Variants in FER1L6 observed in about 807,000 individuals in gnomAD.
FER1L6 encodes the protein fer-1 like family member 6.
A neutral mutation model predicts 219.2 loss-of-function variants in FER1L6; 177 were observed. The observed-to-expected ratio is 0.81, with a 90% CI of 0.71 to 0.91. The LOEUF (loss-of-function observed/expected upper bound fraction) is 0.91, where lower values mean the gene tolerates loss of function less well. Among genes scored for constraint, FER1L6 ranks in the 40% least tolerant of loss-of-function variants. FER1L6 has a pLI of 0.00. For synonymous variants in FER1L6, 768 were observed against 824.3 expected (o/e 0.93, Z 1.17); for missense variants, 2,153 against 2,259.9 (o/e 0.95, Z 0.96).
chr8:124,010,203 A>G (rs1318408131), intron 13 of FER1L6, among the ~76,000 whole-genome samples: 7 of 138,864 alleles, frequency 5.0e-5, no homozygotes, highest in Admixed American at 1.4e-4. Context: ...CGAGTCAGGG[A>G]GGAGGAGAGG....
intron 5 of FER1L6, among the ~76,000 whole-genome samples, chr8:123,967,698 C>T (rs1372157681): frequency 2.0e-5 from 3 of 152,220 alleles, no homozygotes; most frequent in African/African-American, 4.8e-5. Context: ...TGGCTCACAC[C>T]TGTAATCCCA....
intron 39 of FER1L6, among the ~76,000 whole-genome samples, chr8:124,106,802 A>G (rs1822794997): frequency 6.6e-6 from 1 of 152,086 alleles, no homozygotes; most frequent in African/African-American, 2.4e-5. Context: ...GAGTCCAAAA[A>G]GTATGTTTTT....
At position 123,853,314 on chromosome 8, in the gene FER1L6, C is replaced by A. The variant is rs1317419133; in HGVS notation, c.-8+1129C>A. Among the ~76,000 whole-genome samples the A allele has an allele frequency of 6.6e-6, 1 of 152,030 alleles. No individual in the cohort carries two copies. The highest frequency in any genetic ancestry group is 1.5e-5 in the Non-Finnish European group (1 of 68,012). ...GGATTACAGGTGCTTGCCATCACAC[C>A]CGGCTAATTTCTGTATTTTTAGAGA... On this transcript the variant is annotated intron_variant, in intron 1 of 40. Transcript: ENST00000522917. This position sits in a 1 kb window ranked among gnomAD's most constrained non-coding sequence, Gnocchi z 6.6.
At chr8:123,994,183 G>T (rs1486802887) in intron 12 of FER1L6, among the ~76,000 whole-genome samples, 1 of 152,204 alleles carries the variant, frequency 6.6e-6, no homozygotes, top group Non-Finnish European at 1.5e-5. Flanking sequence ...CTGCCCAGAG[G>T]AGGTACTCTG....
chr8:124,031,592 AT>A (rs1300201338), intron 18 of FER1L6, among the ~76,000 whole-genome samples: 4 of 152,164 alleles, frequency 2.6e-5, no homozygotes, highest in Non-Finnish European at 4.4e-5. Context: ...TTAGAGTCAT[AT>A]TTTTAGGTTT....
chr8:124,101,435 C>A, intron 38 of FER1L6, 97 bp downstream of exon 38: 1 of 1,157,120 alleles, frequency 8.6e-7, no homozygotes, highest in Non-Finnish European at 1.2e-6. Flanking sequence ...CTAATAATTT[C>A]AGCACTATCT....
chr8:123,859,626 G>A (rs1374420986), intron 1 of FER1L6, among the ~76,000 whole-genome samples: 4 of 138,042 alleles, frequency 2.9e-5, no homozygotes, highest in African/African-American at 1.1e-4. Flanking sequence ...ATGTATACAT[G>A]TACCATGCTG....
At chr8:124,095,645 T>G (rs1822250639) in intron 35 of FER1L6, among the ~76,000 whole-genome samples, 1 of 152,208 alleles carries the variant, frequency 6.6e-6, no homozygotes. Context: ...GTAAATTATC[T>G]CAACTATTTA....
intron 1 of FER1L6, among the ~76,000 whole-genome samples, chr8:123,875,764 G>A (rs1311856070): frequency 6.6e-6 from 1 of 151,938 alleles, no homozygotes; most frequent in South Asian, 2.1e-4. Context: ...AGTTTCTCAG[G>A]CAAAAAGCTT....
intron 17 of FER1L6, among the ~76,000 whole-genome samples, chr8:124,022,905 C>A (rs1345730101): frequency 1.0e-5 from 1 of 100,136 alleles, no homozygotes; most frequent in African/African-American, 4.5e-5. Context: ...GGTTTGTAGG[C>A]ACTTTATTTA....
intron 13 of FER1L6, among the ~76,000 whole-genome samples, chr8:124,005,866 G>A (rs1817633056): frequency 6.6e-6 from 1 of 152,148 alleles, no homozygotes; most frequent in Non-Finnish European, 1.5e-5. Context: ...AAAGCATTTA[G>A]GACAAAGCAG....
intron 1 of FER1L6, among the ~76,000 whole-genome samples, chr8:123,875,385 T>C (rs1367422280): frequency 6.6e-6 from 1 of 152,182 alleles, no homozygotes; most frequent in Non-Finnish European, 1.5e-5. Flanking sequence ...CTATTCTCCT[T>C]TGATCTCAGC....
intron 12 of FER1L6, among the ~76,000 whole-genome samples, chr8:123,996,339 A>G (rs77270031): frequency 2.3e-3 from 353 of 152,208 alleles, no homozygotes; most frequent in African/African-American, 8.1e-3. Context: ...GTGCTTCAGC[A>G]TTGGGTGCCT....
At chr8:124,045,645 T>C (rs1819692795) in intron 20 of FER1L6, 122 bp from the exon 21 acceptor site, 2 of 1,064,164 alleles carry the variant, frequency 1.9e-6, no homozygotes, top group Admixed American at 1.9e-5. Flanking sequence ...GAATATTGAA[T>C]GGTGAGCAAT....
chr8:123,961,003 C>G (rs1369449016), intron 2 of FER1L6, among the ~76,000 whole-genome samples: 3 of 152,110 alleles, frequency 2.0e-5, no homozygotes, highest in Non-Finnish European at 4.4e-5. Flanking sequence ...GATCCCAGCA[C>G]TTTGGGAGGC....
intron 1 of FER1L6, among the ~76,000 whole-genome samples, chr8:123,929,967 T>G (rs1035186891): frequency 4.6e-5 from 2 of 43,346 alleles, no homozygotes; most frequent in South Asian, 9.6e-4. Context: ...GATGGCACTG[T>G]TTTTTTTTTT....
Position 123,970,110 on chromosome 8 carries a change from T to C in FER1L6, c.447+13T>C. ...CATCAAAATCTCCGTAAGTATAGCATTGGTGGTAATAGTTGTGGAGAGGTG... is the reference window on the plus strand; with the variant it reads ...CATCAAAATCTCCGTAAGTATAGCACTGGTGGTAATAGTTGTGGAGAGGTG... On this transcript the variant is annotated intron_variant, in intron 6 of 40. Transcript: ENST00000522917. The C allele has an allele frequency of 1.2e-6, 2 of 1,612,128 alleles. No individual in the cohort carries two copies. Among genetic ancestry groups the C allele is most frequent in the South Asian group, 2.2e-5 (2 of 91,024 alleles).
At chr8:124,068,292 C>T (rs942044914) in intron 28 of FER1L6, among the ~76,000 whole-genome samples, 32 of 152,084 alleles carry the variant, frequency 2.1e-4, no homozygotes, top group Non-Finnish European at 3.5e-4. Flanking sequence ...TTTCATTTGA[C>T]GATGATAGAA....
rs1314379646 is a variant in FER1L6 at position 124,038,970 on chromosome 8, G to A, written c.2465-912G>A. 2.6e-5 allele frequency among the ~76,000 whole-genome samples: 4 copies of A among 152,172 alleles called. No homozygotes were observed. The East Asian group carries it at 5.8e-4, about 22-fold the overall frequency. On this transcript the variant is annotated intron_variant, in intron 19 of 40. Coordinates refer to ENST00000522917, the MANE Select transcript of FER1L6 (RefSeq NM_001039112.2). ...TAAGTGAATATAAAAACCAAGAGGC[G>A]CCCTGCAAGGGGCAGTGATCAGAAA...
Sources: allele counts gnomAD v4.1 joint callset (sites outside exome capture counted in the v4.1 genomes callset), GRCh38; gene constraint gnomAD v4.1.1; non-coding constraint Gnocchi (gnomAD v3.1); transcripts MANE v1.5; gene names NCBI Gene and HGNC (gene_info 2026-07-23, HGNC 2026-07-21).